The following HTR4 variants were observed in gnomAD, a reference collection of about 807,000 sequenced individuals.
HTR4 encodes 5-hydroxytryptamine (serotonin) receptor 4, G protein-coupled.
In HTR4, 16 loss-of-function variants were observed where a neutral mutation model predicts 36.8. The observed-to-expected ratio is 0.43, with a 90% CI of 0.29 to 0.66. The LOEUF (loss-of-function observed/expected upper bound fraction) is 0.66, where lower values mean the gene tolerates loss of function less well. Among genes scored for constraint, HTR4 ranks in the 30% least tolerant of loss-of-function variants. The pLI, the probability that HTR4 is intolerant of heterozygous loss-of-function variation, is 0.13. For missense variants in HTR4, 438 were observed against 490.9 expected, an observed-to-expected ratio of 0.89 and a Z score of 1.02; for synonymous variants, 189 against 185.1, an observed-to-expected ratio of 1.02 and a Z score of -0.17.
chr5:148,613,110 A>C (rs1397895696), intron 2 of HTR4, among the ~76,000 whole-genome samples: 1 of 147,956 alleles, frequency 6.8e-6, no homozygotes, highest in African/African-American at 2.5e-5. Flanking sequence ...TACAAGGAGG[A>C]ACTGGTACCA....
intron 6 of HTR4, among the ~76,000 whole-genome samples, chr5:148,492,416 G>A (rs1043662689): frequency 1.3e-5 from 2 of 152,168 alleles, no homozygotes; most frequent in African/African-American, 4.8e-5. Flanking sequence ...TATAAACAGT[G>A]TGATTAATTT....
chr5:148,498,714 G>C (rs1430880805), intron 6 of HTR4, among the ~76,000 whole-genome samples: 1 of 152,116 alleles, frequency 6.6e-6, no homozygotes, highest in East Asian at 1.9e-4. Flanking sequence ...ATGTGAAAAA[G>C]GTATGTTCTG....
chr5:148,511,071 CTCTGG>C (rs1298974399), intron 5 of HTR4, among the ~76,000 whole-genome samples: 2 of 152,164 alleles, frequency 1.3e-5, no homozygotes, highest in African/African-American at 4.8e-5. Context: ...ATTGAAAATG[CTCTGG>C]TCAAGGCTAT....
intron 6 of HTR4, among the ~76,000 whole-genome samples, chr5:148,488,203 T>G (rs1756253629): frequency 6.6e-6 from 1 of 152,186 alleles, no homozygotes. Context: ...GAAGATCAAG[T>G]GTTTCCCAAA....
chr5:148,633,317 T>C (rs1317038233), intron 2 of HTR4, among the ~76,000 whole-genome samples: 4 of 152,196 alleles, frequency 2.6e-5, no homozygotes, highest in Admixed American at 6.5e-5. Flanking sequence ...AGTATGACTT[T>C]TCTTAATTTT....
intron 5 of HTR4, chr5:148,466,001 A>G: frequency 6.3e-7 from 1 of 1,578,576 alleles, no homozygotes; most frequent in East Asian, 2.2e-5. Flanking sequence ...AGAAAAAAAA[A>G]ACATAGAGAT....
downstream of HTR4, among the ~76,000 whole-genome samples, chr5:148,473,508 G>A (rs182394605): frequency 2.6e-5 from 4 of 152,220 alleles, no homozygotes; most frequent in Non-Finnish European, 4.4e-5. Flanking sequence ...TGAATTTGTT[G>A]CCCAGTCCTA....
chr5:148,554,572 A>G (rs1759844285), intron 2 of HTR4, among the ~76,000 whole-genome samples: 1 of 152,182 alleles, frequency 6.6e-6, no homozygotes, highest in South Asian at 2.1e-4. Context: ...GTGAATGCGG[A>G]GTTATTATTT....
At chr5:148,461,052 G>A (rs2113693172) in intron 5 of HTR4, among the ~76,000 whole-genome samples, 1 of 152,036 alleles carries the variant, frequency 6.6e-6, no homozygotes, top group South Asian at 2.1e-4. Flanking sequence ...ATTTGAAAGT[G>A]GACTTGGATT....
At chr5:148,631,014 TAGA>T (rs1424068536) in intron 2 of HTR4, among the ~76,000 whole-genome samples, 16 of 152,194 alleles carry the variant, frequency 1.1e-4, no homozygotes, top group African/African-American at 3.9e-4. Flanking sequence ...CACGTATATG[TAGA>T]AGATTACTAG....
At chr5:148,622,839 AC>A (rs1343008721) in intron 2 of HTR4, among the ~76,000 whole-genome samples, 4 of 152,110 alleles carry the variant, frequency 2.6e-5, no homozygotes, top group African/African-American at 9.7e-5. Context: ...GTTATCTCAC[AC>A]TCCTTTTTAA....
chr5:148,605,764 G>T (rs1463672313), intron 2 of HTR4, among the ~76,000 whole-genome samples: 3 of 151,574 alleles, frequency 2.0e-5, no homozygotes, highest in African/African-American at 7.3e-5. Context: ...AAAAAAAATC[G>T]GAAAACAAAT....
At chr5:148,580,480 G>A (rs752553470) in intron 2 of HTR4, among the ~76,000 whole-genome samples, 4 of 151,940 alleles carry the variant, frequency 2.6e-5, no homozygotes, top group African/African-American at 9.7e-5. Context: ...GCACTATTTT[G>A]TACAGACCTC....
At chr5:148,616,159 C>A (rs1162206971) in intron 2 of HTR4, among the ~76,000 whole-genome samples, 1 of 152,154 alleles carries the variant, frequency 6.6e-6, no homozygotes, top group Non-Finnish European at 1.5e-5. Context: ...GTCTTGATAA[C>A]CACAAGGGTT....
At chr5:148,506,474 A>G (rs539044461) in intron 6 of HTR4, among the ~76,000 whole-genome samples, 290 of 152,310 alleles carry the variant, frequency 1.9e-3, no homozygotes, top group Admixed American at 4.8e-3. Flanking sequence ...CAAGGACTAC[A>G]TGTCTAAAAC....
At chr5:148,550,714 G>A (rs527787247) in intron 2 of HTR4, among the ~76,000 whole-genome samples, 2 of 152,180 alleles carry the variant, frequency 1.3e-5, no homozygotes, top group Admixed American at 6.5e-5. Flanking sequence ...CCCCCAGGTT[G>A]CAAGTTAAAC....
In HTR4 at chr5:148,483,290, A is replaced by T; in HGVS notation, c.1080T>A (p.Asp360Glu). ...TINGSTHVLR[D>E]AVECGGQWES... ...CCCACTGGCCACCACACTCCACTGCATCCCTAGAGAGAGGAGAAGATTACA... is the reference window on the plus strand; with the variant it reads ...CCCACTGGCCACCACACTCCACTGCTTCCCTAGAGAGAGGAGAAGATTACA... Residue 360 changes from aspartate to glutamate, a missense_variant, in exon 7 of 7, where the codon GAT (aspartate) becomes GAA (glutamate). Physicochemically the swap from Asp to Glu is conservative, Grantham distance 45. Transcript: ENST00000377888. The T allele has an allele frequency of 6.2e-7, 1 of 1,612,462 alleles. No individual in the cohort carries two copies. The highest frequency in any genetic ancestry group is 8.5e-7 in the Non-Finnish European group (1 of 1,179,158).
chr5:148,554,542 A>G (rs2113856220), intron 2 of HTR4, among the ~76,000 whole-genome samples: 1 of 152,346 alleles, frequency 6.6e-6, no homozygotes, highest in Non-Finnish European at 1.5e-5. Flanking sequence ...AAAAGTAGTT[A>G]TCAGGGACTG....
intron 4 of HTR4, among the ~76,000 whole-genome samples, chr5:148,532,749 G>A (rs930687321): frequency 5.9e-5 from 9 of 152,190 alleles, no homozygotes; most frequent in Non-Finnish European, 1.3e-4. Flanking sequence ...TGTTCACAAG[G>A]AAGTAGACAA....
Sources: allele counts gnomAD v4.1 joint callset (sites outside exome capture counted in the v4.1 genomes callset), GRCh38; gene constraint gnomAD v4.1.1; transcripts MANE v1.5; gene names NCBI Gene and HGNC (gene_info 2026-07-23, HGNC 2026-07-21).